AP4E1: variants seen among roughly 807,000 people sequenced by gnomAD.
AP4E1 encodes AP-4 complex subunit epsilon-1.
A neutral mutation model predicts 128.2 loss-of-function variants in AP4E1; 56 were observed. That is an observed-to-expected ratio of 0.44 (90% CI 0.35 to 0.55). AP4E1 has a LOEUF of 0.55. Among genes scored for constraint, AP4E1 ranks in the 20% least tolerant of loss-of-function variants. The pLI, the probability that AP4E1 is intolerant of heterozygous loss-of-function variation, is 0.00. For missense variants in AP4E1, 1,324 were observed against 1,307.7 expected (o/e 1.01, Z -0.19); for synonymous variants, 484 against 473.1 (o/e 1.02, Z -0.30).
intron 3 of AP4E1, among the ~76,000 whole-genome samples, chr15:50,916,237 C>T (rs148487205): frequency 8.5e-4 from 129 of 152,218 alleles, no homozygotes; most frequent in Non-Finnish European, 1.2e-3. Flanking sequence ...GTCAATAGAG[C>T]TGATATTAAG....
intron 15 of AP4E1, among the ~76,000 whole-genome samples, chr15:50,969,620 CAT>C (rs1432531599): frequency 1.3e-5 from 2 of 151,280 alleles, no homozygotes; most frequent in Non-Finnish European, 2.9e-5. Flanking sequence ...TCATCTCAAA[CAT>C]GTATCATTTC....
chr15:50,946,050 A>T, intron 10 of AP4E1: 1 of 746,314 alleles, frequency 1.3e-6, no homozygotes, highest in Non-Finnish European at 2.3e-6. Context: ...TTTTGATTTG[A>T]GAACTCTACA....
rs926320182 is a variant in AP4E1 at position 50,925,151 on chromosome 15, C to A, written c.474C>A (p.Ser158Arg). Residue 158 changes from serine to arginine, a missense_variant, in exon 5 of 21, where the codon AGC becomes AGA. By Grantham distance (110) the Ser-to-Arg change is moderately radical (BLOSUM62 -1). Transcript: ENST00000261842. ...VEVCMALTVVSQIFPCEMIPA... is the reference protein window; with the variant it reads ...VEVCMALTVVRQIFPCEMIPA... ...TGTGTATGGCACTGACTGTTGTTAGCCAGATTTTCCCCTGCGAAATGATTC... is the reference window on the plus strand; with the variant it reads ...TGTGTATGGCACTGACTGTTGTTAGACAGATTTTCCCCTGCGAAATGATTC... 1 of 1,613,858 alleles carries A rather than the reference C, an allele frequency of 6.2e-7. No individual in the cohort carries two copies. Among genetic ancestry groups the A allele is most frequent in the Non-Finnish European group, 8.5e-7 (1 of 1,179,800 alleles).
intron 2 of AP4E1, among the ~76,000 whole-genome samples, chr15:50,912,681 G>T (rs1459308099): frequency 6.8e-6 from 1 of 146,670 alleles, no homozygotes. Flanking sequence ...TTTTTGAGAC[G>T]GAGTCTCGCT....
At chr15:50,974,761 T>C (rs1344454022) in intron 15 of AP4E1, among the ~76,000 whole-genome samples, 1 of 152,212 alleles carries the variant, frequency 6.6e-6, no homozygotes, top group Non-Finnish European at 1.5e-5. Context: ...TTGTATTTTC[T>C]TGCTAATAGT....
In AP4E1 at chr15:50,958,690, G is replaced by T. The variant is rs2140878253; in HGVS notation, c.1747G>T (p.Asp583Tyr). ...RLIHEFTISL[D>Y]TCMRQHAFEL... The stretch of plus-strand genomic sequence containing the variant: ...AATCCATGAATTTACCATATCTTTG[G>T]ATACTTGTATGAGACAACATGCATT... Residue 583 changes from aspartate to tyrosine, a missense_variant, in exon 14 of 21, where the codon GAT becomes TAT. Physicochemically the swap from Asp to Tyr is radical, Grantham distance 160. Coordinates refer to ENST00000261842, the MANE Select transcript of AP4E1 (RefSeq NM_007347.5). 1 of 1,614,096 alleles carries T rather than the reference G, an allele frequency of 6.2e-7. No individual in the cohort carries two copies. The highest frequency in any genetic ancestry group is 8.5e-7 in the Non-Finnish European group (1 of 1,180,004).
At chr15:50,958,856 C>A in intron 14 of AP4E1, 62 bp downstream of exon 14, 1 of 1,492,010 alleles carries the variant, frequency 6.7e-7, no homozygotes, top group South Asian at 1.1e-5. Flanking sequence ...GTAATTCTTG[C>A]ATTTGTGACA....
intron 8 of AP4E1, among the ~76,000 whole-genome samples, chr15:50,938,109 T>C (rs2063932169): frequency 6.6e-6 from 1 of 151,610 alleles, no homozygotes; most frequent in Non-Finnish European, 1.5e-5. Flanking sequence ...CTCAGGAAGG[T>C]GGAGAACAAG....
In AP4E1 at chr15:50,937,499, C is replaced by A. The variant is rs540552011; in HGVS notation, c.943+2802C>A. Among the ~76,000 whole-genome samples the A allele has an allele frequency of 9.9e-5, 15 of 152,176 alleles. No individual in the cohort carries two copies. The South Asian group carries it at 2.7e-3, about 27-fold the overall frequency. On this transcript the variant is annotated intron_variant, in intron 8 of 20. Coordinates refer to ENST00000261842, the MANE Select transcript of AP4E1 (RefSeq NM_007347.5). ...GGATATGAAGAAGTATAATATATGA[C>A]CTTTGTCTTTAAGAAATTCACAATA...
At chr15:50,999,534 G>A (rs967759296) in intron 19 of AP4E1, among the ~76,000 whole-genome samples, 16 of 152,220 alleles carry the variant, frequency 1.1e-4, no homozygotes, top group African/African-American at 3.9e-4. Flanking sequence ...GAGTTGGTTG[G>A]TGACCTGGTA....
intron 3 of AP4E1, among the ~76,000 whole-genome samples, chr15:50,918,407 G>C (rs1055754713): frequency 6.6e-6 from 1 of 152,114 alleles, no homozygotes; most frequent in African/African-American, 2.4e-5. Context: ...TACTTGGCTG[G>C]CTTCCATGTT....
intron 14 of AP4E1, among the ~76,000 whole-genome samples, chr15:50,967,480 A>T (rs1440379410): frequency 6.6e-6 from 1 of 152,220 alleles, no homozygotes; most frequent in Non-Finnish European, 1.5e-5. Flanking sequence ...GAAAGAAACA[A>T]GAAACAGATT....
At chr15:50,939,323 A>G (rs2063951615) in intron 8 of AP4E1, among the ~76,000 whole-genome samples, 1 of 152,114 alleles carries the variant, frequency 6.6e-6, no homozygotes, top group Non-Finnish European at 1.5e-5. Flanking sequence ...AAATACAAAA[A>G]TTAGCTGGCC....
At chr15:50,919,301 G>A (rs141959899) in intron 3 of AP4E1, among the ~76,000 whole-genome samples, 13 of 151,934 alleles carry the variant, frequency 8.6e-5, no homozygotes, top group African/African-American at 2.7e-4. Flanking sequence ...GGGAGGCTGA[G>A]GTGGGCAGAT....
intron 20 of AP4E1, among the ~76,000 whole-genome samples, chr15:51,002,207 A>T (rs916802718): frequency 6.6e-6 from 1 of 152,140 alleles, no homozygotes; most frequent in East Asian, 1.9e-4. Flanking sequence ...AGAAACCACC[A>T]TATCATTTTC....
chr15:50,976,646 C>T (rs1321023581), intron 15 of AP4E1, among the ~76,000 whole-genome samples: 3 of 152,178 alleles, frequency 2.0e-5, no homozygotes, highest in South Asian at 2.1e-4. Context: ...ATTAAAAAAC[C>T]GTTAGAAGTA....
At chr15:50,952,354 C>CA (rs1159126929) in intron 13 of AP4E1, among the ~76,000 whole-genome samples, 6 of 151,626 alleles carry the variant, frequency 4.0e-5, no homozygotes, top group Non-Finnish European at 8.8e-5. Context: ...ACTAAAAATA[C>CA]AAAAAATTAG....
chr15:50,983,897 A>C, intron 15 of AP4E1, 125 bp from the exon 16 acceptor site: 1 of 876,280 alleles, frequency 1.1e-6, no homozygotes, highest in South Asian at 1.5e-5. Flanking sequence ...TCATCCTCAA[A>C]GTCCTTTAGA....
At chr15:50,945,619 T>C in intron 10 of AP4E1, 1 of 765,038 alleles carries the variant, frequency 1.3e-6, no homozygotes, top group Non-Finnish European at 2.4e-6. Flanking sequence ...CAGGGAGGTA[T>C]ATCACACAAA....
Sources: allele counts gnomAD v4.1 joint callset (sites outside exome capture counted in the v4.1 genomes callset), GRCh38; gene constraint gnomAD v4.1.1; transcripts MANE v1.5; gene names NCBI Gene and HGNC (gene_info 2026-07-23, HGNC 2026-07-21).